The following MYOCD variants were observed in gnomAD, a reference collection of about 807,000 sequenced individuals.
MYOCD encodes the protein myocardin.
Under a neutral mutation model 96.1 loss-of-function variants are expected in MYOCD, and 32 were observed. That is an observed-to-expected ratio of 0.33 (90% CI 0.25 to 0.45). The LOEUF (loss-of-function observed/expected upper bound fraction) is 0.45. Ranked by LOEUF, MYOCD falls within the 20% of genes least tolerant of loss-of-function variation. The pLI is 1.00. For synonymous variants in MYOCD, 469 were observed against 469.0 expected (o/e 1.00, Z 0.00); for missense variants, 1,133 against 1,200.6 (o/e 0.94, Z 0.83).
At chr17:12,678,759 G>A (rs1910261571) in intron 1 of MYOCD, among the ~76,000 whole-genome samples, 2 of 151,970 alleles carry the variant, frequency 1.3e-5, no homozygotes, top group South Asian at 2.1e-4. Flanking sequence ...GCAGTGGCGC[G>A]ATCTCGGCTC....
chr17:12,720,747 T>C (rs949596629), intron 4 of MYOCD, among the ~76,000 whole-genome samples: 1 of 152,026 alleles, frequency 6.6e-6, no homozygotes, highest in African/African-American at 2.4e-5. Context: ...ACCGGCCAGG[T>C]GCGGTGGCTC....
At chr17:12,715,906 T>C (rs1218086831) in intron 3 of MYOCD, among the ~76,000 whole-genome samples, 1 of 152,206 alleles carries the variant, frequency 6.6e-6, no homozygotes, top group Non-Finnish European at 1.5e-5. Context: ...TTACCTGTTA[T>C]TACTGTCATT....
intron 1 of MYOCD, among the ~76,000 whole-genome samples, chr17:12,685,508 C>A (rs139910819): frequency 0.014 from 2,161 of 150,624 alleles, 15 homozygotes; most frequent in South Asian, 0.025. Context: ...CGGGAGGCTG[C>A]GGCAGGAGAA....
In MYOCD at chr17:12,758,504, G is replaced by T. The variant is rs75316615; in HGVS notation, c.2331+291G>T. Among the ~76,000 whole-genome samples the T allele has an allele frequency of 6.1e-3, 926 of 152,186 alleles. 6 individuals carry two copies. The highest frequency in any genetic ancestry group is 0.021 in the African/African-American group (887 of 41,498). On this transcript the variant is annotated intron_variant, in intron 12 of 13. Coordinates refer to ENST00000425538, the MANE Select transcript of MYOCD (RefSeq NM_001146312.3). ...ACTTCACCTCTCTTATGCAAAATAG[G>T]GATAATATTTACTTGGTAAGGATTC... is the stretch of plus-strand genomic sequence containing the variant.
chr17:12,745,825 C>T, intron 8 of MYOCD, 94 bp from the exon 9 acceptor site: 1 of 1,320,640 alleles, frequency 7.6e-7, no homozygotes, highest in Non-Finnish European at 1.1e-6. Flanking sequence ...ACATGCCTGA[C>T]CCTTGCAGGC....
intron 4 of MYOCD, among the ~76,000 whole-genome samples, chr17:12,718,393 G>A (rs1471202852): frequency 1.3e-5 from 2 of 152,170 alleles, no homozygotes; most frequent in Non-Finnish European, 2.9e-5. Context: ...AAAGATGGAA[G>A]GGGGTCGCAG....
At chr17:12,733,477 C>T (rs1341584229) in intron 5 of MYOCD, among the ~76,000 whole-genome samples, 1 of 152,194 alleles carries the variant, frequency 6.6e-6, no homozygotes, top group African/African-American at 2.4e-5. Context: ...CCCCCTCTAC[C>T]AGGTGAGTCT....
chr17:12,745,749 C>T (rs1384510006), intron 8 of MYOCD, among the ~76,000 whole-genome samples, 170 bp from the exon 9 acceptor site: 1 of 152,148 alleles, frequency 6.6e-6, no homozygotes, highest in African/African-American at 2.4e-5. Context: ...TCAGATGTCA[C>T]GCACCGCTTA....
At chr17:12,750,517 C>T (rs1171051622) in intron 9 of MYOCD, among the ~76,000 whole-genome samples, 2 of 151,862 alleles carry the variant, frequency 1.3e-5, no homozygotes, top group Non-Finnish European at 2.9e-5. Context: ...GGTGAAACCC[C>T]GTCTCTACTT....
chr17:12,754,316 C>G (rs531358876), intron 10 of MYOCD, among the ~76,000 whole-genome samples: 3 of 152,166 alleles, frequency 2.0e-5, no homozygotes, highest in Non-Finnish European at 4.4e-5. Context: ...GTTGGCCAGG[C>G]TGGTCTCTAA....
rs1449423929 is a variant in MYOCD, at chr17:12,753,014, G to T, written c.1726G>T (p.Val576Phe). Reference sequence around the variant, plus strand: ...TGCCTCCATCAAGCAGGAAGAGGCTGTCTCCAGCTGTCCTTTTGCATCCCA... The same window carrying T: ...TGCCTCCATCAAGCAGGAAGAGGCTTTCTCCAGCTGTCCTTTTGCATCCCA... The part of the protein sequence containing the change: ...LAASIKQEEA[V>F]SSCPFASQVP... Residue 576 changes from valine to phenylalanine, a missense_variant, in exon 10 of 14, where the codon GTC becomes TTC. By Grantham distance (50) the Val-to-Phe change is conservative. Coordinates refer to ENST00000425538, the MANE Select transcript of MYOCD (RefSeq NM_001146312.3). 1.2e-6 allele frequency: 2 copies of T among 1,614,184 alleles called. No homozygotes were observed. Among genetic ancestry groups the T allele is most frequent in the Non-Finnish European group, 1.7e-6 (2 of 1,180,026 alleles).
At chr17:12,723,378 C>T (rs2031904115) in intron 5 of MYOCD, among the ~76,000 whole-genome samples, 1 of 152,162 alleles carries the variant, frequency 6.6e-6, no homozygotes, top group Non-Finnish European at 1.5e-5. Flanking sequence ...GGAAAGAGCA[C>T]TGGCCCCAGA....
chr17:12,670,567 T>C (rs890131450), intron 1 of MYOCD, among the ~76,000 whole-genome samples: 3 of 152,224 alleles, frequency 2.0e-5, no homozygotes, highest in East Asian at 1.9e-4. Flanking sequence ...TCTACCTTCA[T>C]TGGCAATTAG....
chr17:12,768,715 CAA>C lies in MYOCD; in HGVS notation c.*5073_*5074del, dbSNP rs1209090425. Reference sequence around the variant, plus strand: ...CTTAAAATCCTCCCTCAGTGAAGCACAAAGAGACACTTTGTAAAGAAAAAAAG... The same window carrying C: ...CTTAAAATCCTCCCTCAGTGAAGCACAGAGACACTTTGTAAAGAAAAAAAG... On this transcript the variant is annotated 3_prime_UTR_variant, in exon 14 of 14. Transcript: ENST00000425538. The C allele has an allele frequency of 1.3e-5, 2 of 151,882 alleles. No homozygotes were observed. Among genetic ancestry groups the C allele is most frequent in the Admixed American group, 6.6e-5 (1 of 15,256 alleles). 9.4% of individuals were successfully genotyped at this position (151,882 alleles called of 1,614,324 possible). A position where few individuals can be genotyped will look rare whatever the true frequency, so the allele number is the denominator to read the frequency against.
rs2033362089 is a variant in MYOCD, at chr17:12,767,144, G to A, written c.*3500G>A. 6.6e-6 allele frequency: 1 copy of A among 152,134 alleles called. No individual in the cohort carries two copies. Among genetic ancestry groups the A allele is most frequent in the Admixed American group, 6.6e-5 (1 of 15,266 alleles). The allele number at this position is 152,134 out of a possible 1,614,324, so 9.4% of individuals were successfully genotyped here. ...CTTCTCAGTTCAGCTGTCACATTAT[G>A]AGAAGTAAATCAGAATTTTTTTAAG... On this transcript the variant is annotated 3_prime_UTR_variant, in exon 14 of 14. Transcript: ENST00000425538.
chr17:12,714,285 C>T (rs2031568244), intron 2 of MYOCD, among the ~76,000 whole-genome samples: 1 of 147,396 alleles, frequency 6.8e-6, no homozygotes, highest in Non-Finnish European at 1.5e-5. Context: ...AAACTATGTT[C>T]AGATTCAGCA....
intron 9 of MYOCD, among the ~76,000 whole-genome samples, chr17:12,750,003 T>C (rs566763766): frequency 1.3e-5 from 2 of 151,988 alleles, no homozygotes; most frequent in South Asian, 4.2e-4. Context: ...GCGCCCGCCA[T>C]CATGCCCAGC....
chr17:12,760,995 A>C (rs1197889617), intron 13 of MYOCD: 3 of 310,532 alleles, frequency 9.7e-6, no homozygotes, highest in Admixed American at 4.5e-5. Flanking sequence ...CTCTTGCTGC[A>C]CTTCTTCTTT....
chr17:12,754,239 G>A (rs1399736747), intron 10 of MYOCD, among the ~76,000 whole-genome samples: 2 of 152,116 alleles, frequency 1.3e-5, no homozygotes, highest in Non-Finnish European at 2.9e-5. Context: ...CGAGTAGCTG[G>A]GACTACAGGC....
Sources: gnomAD v4.1 joint callset for allele counts (sites outside exome capture counted in the v4.1 genomes callset) on GRCh38, gnomAD v4.1.1 for gene constraint, MANE v1.5 for transcripts, NCBI Gene and HGNC (gene_info 2026-07-23, HGNC 2026-07-21) for gene names.